The following DNAH11 variants were observed in gnomAD, a reference collection of about 807,000 sequenced individuals.
DNAH11 encodes dynein axonemal heavy chain 11.
A neutral mutation model predicts 526.0 loss-of-function variants in DNAH11; 442 were observed. The ratio of observed to expected loss-of-function variants is 0.84; its 90% CI spans 0.78 to 0.91. The LOEUF (loss-of-function observed/expected upper bound fraction) is 0.91. DNAH11 is among the 40% of genes least tolerant of loss of function. The probability of loss-of-function intolerance (pLI) is 0.00; values close to 1 mark genes in which losing one functional copy is unlikely to be tolerated. For missense variants in DNAH11, 6,989 were observed against 5,448.7 expected (o/e 1.28, Z -8.90); for synonymous variants, 2,461 against 1,935.9 (o/e 1.27, Z -7.12).
At chr7:21,676,014 G>A (rs1249488898) in intron 30 of DNAH11, among the ~76,000 whole-genome samples, 1 of 152,134 alleles carries the variant, frequency 6.6e-6, no homozygotes, top group African/African-American at 2.4e-5. Flanking sequence ...AACATGAAGT[G>A]GTTGCTGTGG....
chr7:21,769,667 T>A (rs935404286), intron 55 of DNAH11, among the ~76,000 whole-genome samples: 1 of 152,048 alleles, frequency 6.6e-6, no homozygotes, highest in Non-Finnish European at 1.5e-5. Context: ...GTACTTTTAG[T>A]AGAGACAGGG....
intron 42 of DNAH11, among the ~76,000 whole-genome samples, chr7:21,713,340 CA>C (rs972276242): frequency 6.6e-5 from 10 of 152,076 alleles, no homozygotes; most frequent in African/African-American, 2.4e-4. Flanking sequence ...TTGGTTTGGC[CA>C]ATGAAGAATC....
rs143559027 is a variant in DNAH11 at position 21,549,261 on chromosome 7, G to T, written c.495+4112G>T. Among the ~76,000 whole-genome samples the T allele has an allele frequency of 1.1e-3, 170 of 152,208 alleles. 2 individuals are homozygous for T. Among genetic ancestry groups the T allele is most frequent in the African/African-American group, 4.0e-3 (165 of 41,526 alleles). The stretch of plus-strand genomic sequence containing the variant: ...AACACAGTGCATTTCTTTAGGATTG[G>T]TATTCCATCCTAGAGGAAACAGAAC... On this transcript the variant is annotated intron_variant, in intron 2 of 81. Coordinates refer to ENST00000409508, the MANE Select transcript of DNAH11 (RefSeq NM_001277115.2).
At chr7:21,884,194 T>C in intron 75 of DNAH11, 97 bp from the exon 76 acceptor site, 2 of 1,097,098 alleles carry the variant, frequency 1.8e-6, no homozygotes, top group Non-Finnish European at 2.5e-6. Context: ...GACGGAGGCT[T>C]GGAGGGCATT....
intron 46 of DNAH11, among the ~76,000 whole-genome samples, chr7:21,737,222 A>G (rs1323372412): frequency 1.3e-5 from 2 of 152,216 alleles, no homozygotes; most frequent in Non-Finnish European, 1.5e-5. Context: ...GACACATTCA[A>G]TGAATTGAAT....
chr7:21,816,337 T>C (rs945649052), intron 63 of DNAH11, 130 bp from the exon 64 acceptor site: 18 of 718,340 alleles, frequency 2.5e-5, no homozygotes, highest in Non-Finnish European at 3.3e-5. Context: ...GTTTGGCTTC[T>C]GAGAATCCAC....
At chr7:21,878,016 A>G (rs1783785333) in intron 74 of DNAH11, among the ~76,000 whole-genome samples, 1 of 152,190 alleles carries the variant, frequency 6.6e-6, no homozygotes, top group African/African-American at 2.4e-5. Context: ...TTGCAGGCAG[A>G]AACAAGTAAT....
intron 34 of DNAH11, among the ~76,000 whole-genome samples, chr7:21,687,831 G>A (rs1048578043): frequency 1.3e-5 from 2 of 152,152 alleles, no homozygotes; most frequent in African/African-American, 4.8e-5. Flanking sequence ...GAGGCGAGAG[G>A]ATTGTTTGAG....
In DNAH11 at chr7:21,545,143, T is replaced by A; in HGVS notation, c.489T>A (p.Leu163=). The change falls in exon 2 of 82, where the codon CTT becomes CTA. Residue 163 remains leucine, a synonymous_variant. Transcript: ENST00000409508. ...ALSLGHVSAF[L]DEILVPVLSN... ...CTCTTGGACATGTATCTGCTTTCCT[T>A]GATGAGGTACTGGTCTGTCTTTAAT... The A allele has an allele frequency of 4.3e-6, 7 of 1,609,274 alleles. No homozygotes were observed. The highest frequency in any genetic ancestry group is 1.7e-6 in the Non-Finnish European group (2 of 1,177,586).
intron 29 of DNAH11, among the ~76,000 whole-genome samples, chr7:21,658,360 A>T (rs1782107029): frequency 6.6e-6 from 1 of 152,138 alleles, no homozygotes; most frequent in African/African-American, 2.4e-5. Flanking sequence ...ATTAATAGAA[A>T]AAAATTTAAC....
intron 55 of DNAH11, among the ~76,000 whole-genome samples, chr7:21,768,498 G>A (rs1004244112): frequency 6.6e-6 from 1 of 152,230 alleles, no homozygotes; most frequent in Non-Finnish European, 1.5e-5. Flanking sequence ...GTTGGATGGT[G>A]TAGAGTAGAT....
chr7:21,816,422 C>A, intron 63 of DNAH11, 45 bp from the exon 64 acceptor site: 1 of 1,452,964 alleles, frequency 6.9e-7, no homozygotes, highest in South Asian at 1.2e-5. Context: ...TGTCTTCTCT[C>A]TCTGCCACAT....
Position 21,642,159 on chromosome 7 carries a change from A to C in DNAH11, c.4944+3094A>C, listed in dbSNP as rs762315836. ...AAATTTGTATTCCAAGTTGTGCTCA[A>C]AATGTGATTTCATTGAGGTCTTTTC... On this transcript the variant is annotated intron_variant, in intron 28 of 81. Coordinates refer to ENST00000409508, the MANE Select transcript of DNAH11 (RefSeq NM_001277115.2). Among the ~76,000 whole-genome samples, 4 of 152,242 alleles carry C rather than the reference A, an allele frequency of 2.6e-5. 1 individual carries two copies. Among genetic ancestry groups the C allele is most frequent in the Non-Finnish European group, 5.9e-5 (4 of 68,046 alleles).
intron 49 of DNAH11, among the ~76,000 whole-genome samples, chr7:21,744,210 A>G (rs1417878466): frequency 6.6e-6 from 1 of 152,216 alleles, no homozygotes; most frequent in Non-Finnish European, 1.5e-5. Flanking sequence ...TGGCACTTGA[A>G]ATGGTCTTAC....
At position 21,704,668 on chromosome 7, in the gene DNAH11, T is replaced by G. The variant is rs1784198037; in HGVS notation, c.6468+40T>G. On this transcript the variant is annotated intron_variant, in intron 38 of 81. Transcript: ENST00000409508. ...TGCTTTTCATGGCAGCTGTTGGGAT[T>G]GTCAGTGGAAATAATTGTGGCTAAT... 7 of 1,572,840 alleles carry G rather than the reference T, an allele frequency of 4.5e-6. No individual in the cohort carries two copies. In the East Asian group the frequency reaches 1.6e-4, roughly 35 times the overall value.
intron 45 of DNAH11, among the ~76,000 whole-genome samples, chr7:21,731,037 G>C (rs1279286738): frequency 6.6e-6 from 1 of 151,958 alleles, no homozygotes; most frequent in Non-Finnish European, 1.5e-5. Context: ...CCAGCTACTC[G>C]GGAGGCTGAG....
intron 62 of DNAH11, among the ~76,000 whole-genome samples, chr7:21,804,913 A>G (rs138988171): frequency 1.1e-3 from 169 of 152,296 alleles, no homozygotes; most frequent in African/African-American, 3.8e-3. Context: ...AAGGCCCTAC[A>G]TGATAATCTG....
intron 8 of DNAH11, among the ~76,000 whole-genome samples, chr7:21,574,507 C>A (rs528096293): frequency 6.6e-6 from 1 of 151,838 alleles, no homozygotes. Flanking sequence ...ATCCAGAACT[C>A]TCAACCACAA....
chr7:21,901,370 TTTTTTC>T lies in DNAH11; in HGVS notation c.*117_*122del. 2 of 1,335,944 alleles carry T rather than the reference TTTTTTC, an allele frequency of 1.5e-6. No individual in the cohort carries two copies. The highest frequency in any genetic ancestry group is 2.0e-6 in the Non-Finnish European group (2 of 1,024,650). The allele number at this position is 1,335,944 out of a possible 1,614,324, so 82.8% of individuals were successfully genotyped here. On this transcript the variant is annotated 3_prime_UTR_variant, in exon 82 of 82. Coordinates refer to ENST00000409508, the MANE Select transcript of DNAH11 (RefSeq NM_001277115.2). ...TTTTTAGTAACTCACACGTGCATTC[TTTTTTC>T]AACGCTATCCTTAGAGTGAAAGTCA...
Sources: allele counts gnomAD v4.1 joint callset (sites outside exome capture counted in the v4.1 genomes callset), GRCh38; gene constraint gnomAD v4.1.1; transcripts MANE v1.5; gene names NCBI Gene and HGNC (gene_info 2026-07-23, HGNC 2026-07-21).